TUNAR: variants seen among roughly 807,000 people sequenced by gnomAD.
TUNAR encodes the protein transmembrane neural differentiation associated intracellular calcium regulator.
intron 2 of TUNAR, 77 bp downstream of exon 1, chr14:95,877,254 C>T (rs1299265230): frequency 3.3e-5 from 5 of 152,260 alleles, no homozygotes; most frequent in African/African-American, 1.2e-4. Flanking sequence ...CCTGTCCTAC[C>T]CTCCTTCCCC....
chr14:95,876,626 G>C (rs1371516856), intron 1 of TUNAR: 1 of 152,820 alleles, frequency 6.5e-6, no homozygotes, highest in East Asian at 1.9e-4. Context: ...GGGGCTTGGG[G>C]CAGGAAGCAG....
intron 2 of TUNAR, among the ~76,000 whole-genome samples, chr14:95,910,244 C>T (rs1460465202): frequency 2.0e-5 from 3 of 152,138 alleles, no homozygotes; most frequent in African/African-American, 4.8e-5. Flanking sequence ...TGGCTGGGCA[C>T]GGTGGCTCAC....
chr14:95,923,257 A>G (rs3811344), exon 3 of TUNAR: 54,617 of 285,776 alleles, frequency 0.19, 7,144 homozygotes, highest in African/African-American at 0.43. Context: ...TGACACCATC[A>G]GTGAGCGGAT....
At chr14:95,903,461 A>T (rs556710326) in intron 2 of TUNAR, among the ~76,000 whole-genome samples, 1 of 152,332 alleles carries the variant, frequency 6.6e-6, no homozygotes, top group Admixed American at 6.5e-5. Flanking sequence ...TGAGATCACC[A>T]GCGACAAACA....
At chr14:95,894,681 A>C (rs943004778) in intron 2 of TUNAR, among the ~76,000 whole-genome samples, 1 of 152,200 alleles carries the variant, frequency 6.6e-6, no homozygotes, top group East Asian at 1.9e-4. Flanking sequence ...GTTACATAAA[A>C]CAAAAAGCCC....
intron 2 of TUNAR, among the ~76,000 whole-genome samples, chr14:95,903,418 C>G (rs1889385491): frequency 6.6e-6 from 1 of 152,162 alleles, no homozygotes; most frequent in Admixed American, 6.5e-5. Flanking sequence ...TGTCCCTGTG[C>G]AGAAAGACCA....
chr14:95,890,309 C>T (rs933262531), intron 2 of TUNAR, among the ~76,000 whole-genome samples: 4 of 152,202 alleles, frequency 2.6e-5, no homozygotes, highest in Non-Finnish European at 5.9e-5. Context: ...TCTAACCTTC[C>T]TCTCCAACTT....
At chr14:95,912,926 G>C in intron 2 of TUNAR, among the ~76,000 whole-genome samples, 1 of 152,028 alleles carries the variant, frequency 6.6e-6, no homozygotes, top group African/African-American at 2.4e-5. Flanking sequence ...GAGTAGCTGG[G>C]ACTACAGGCG....
rs186428947 is a variant in TUNAR at position 95,894,512 on chromosome 14, C to T, written c.12+17335C>T. Among the ~76,000 whole-genome samples the T allele has an allele frequency of 2.0e-4, 30 of 152,210 alleles. No homozygotes were observed. The East Asian group carries it at 5.8e-3, about 29-fold the overall frequency. ...GTGAGGATCAGGATTTGCGAACTTGCGGAAGAGTGTGGTTTGCGGGGCCCC... is the reference window on the plus strand; with the variant it reads ...GTGAGGATCAGGATTTGCGAACTTGTGGAAGAGTGTGGTTTGCGGGGCCCC... On this transcript the variant is annotated intron_variant, in intron 2 of 2. Coordinates refer to ENST00000678517, the Ensembl canonical transcript of TUNAR.
At chr14:95,908,329 C>A (rs1239690886) in intron 2 of TUNAR, among the ~76,000 whole-genome samples, 2 of 152,220 alleles carry the variant, frequency 1.3e-5, no homozygotes, top group African/African-American at 4.8e-5. Context: ...GCTGCAGCTG[C>A]ACCCAGTGGG....
At chr14:95,890,557 G>A (rs936617777) in intron 2 of TUNAR, among the ~76,000 whole-genome samples, 2 of 152,166 alleles carry the variant, frequency 1.3e-5, no homozygotes, top group African/African-American at 4.8e-5. Context: ...ACTGAGACAG[G>A]CTCCCCAGGT....
intron 2 of TUNAR, among the ~76,000 whole-genome samples, chr14:95,922,453 T>C (rs141763745): frequency 8.5e-5 from 13 of 152,310 alleles, no homozygotes; most frequent in African/African-American, 1.7e-4. Flanking sequence ...GCACAGACTT[T>C]AGTTTCACTG....
chr14:95,899,314 A>G (rs1483768925), intron 2 of TUNAR, among the ~76,000 whole-genome samples: 1 of 152,116 alleles, frequency 6.6e-6, no homozygotes, highest in Non-Finnish European at 1.5e-5. Flanking sequence ...ATCCACTCCC[A>G]GGTATCCCAC....
intron 2 of TUNAR, among the ~76,000 whole-genome samples, chr14:95,903,739 G>C (rs1429891586): frequency 1.3e-5 from 2 of 152,202 alleles, no homozygotes; most frequent in African/African-American, 2.4e-5. Context: ...TCAGCTGGTG[G>C]TTCTCACTTT....
chr14:95,901,248 C>T (rs769489049), intron 2 of TUNAR, among the ~76,000 whole-genome samples: 32 of 152,286 alleles, frequency 2.1e-4, no homozygotes, highest in East Asian at 5.8e-4. Flanking sequence ...CATGCAGCCC[C>T]GGAAATGCTC....
chr14:95,910,371 G>C (rs1487540200), intron 2 of TUNAR, among the ~76,000 whole-genome samples: 1 of 152,204 alleles, frequency 6.6e-6, no homozygotes, highest in African/African-American at 2.4e-5. Flanking sequence ...AATGGGGCCA[G>C]CGTAGATTAA....
intron 2 of TUNAR, among the ~76,000 whole-genome samples, chr14:95,917,669 A>G (rs1446086470): frequency 6.6e-6 from 1 of 152,150 alleles, no homozygotes; most frequent in Non-Finnish European, 1.5e-5. Flanking sequence ...GTCTGCTTTT[A>G]TGTCTTTCAG....
intron 2 of TUNAR, among the ~76,000 whole-genome samples, chr14:95,918,276 C>T (rs1889637926): frequency 6.6e-6 from 1 of 152,202 alleles, no homozygotes; most frequent in African/African-American, 2.4e-5. Flanking sequence ...CCGTTACACT[C>T]TCTAATCCAT....
chr14:95,921,466 A>G (rs1350050216), intron 2 of TUNAR, among the ~76,000 whole-genome samples: 1 of 152,214 alleles, frequency 6.6e-6, no homozygotes, highest in Non-Finnish European at 1.5e-5. Flanking sequence ...GGTAGAAAAG[A>G]AGGCTTTGGC....
Sources: gnomAD v4.1 joint callset for allele counts (sites outside exome capture counted in the v4.1 genomes callset) on GRCh38, gnomAD v4.1.1 for gene constraint, MANE v1.5 for transcripts, NCBI Gene and HGNC (gene_info 2026-07-23, HGNC 2026-07-21) for gene names.